Variants in YAF2 observed in about 807,000 individuals in gnomAD.
The protein encoded by YAF2 is YY1-associated factor 2.
Under a neutral mutation model 20.1 loss-of-function variants are expected in YAF2, and 7 were observed. That is an observed-to-expected ratio of 0.35 (90% CI 0.20 to 0.65). The LOEUF (loss-of-function observed/expected upper bound fraction) is 0.65, where lower values mean the gene tolerates loss of function less well. YAF2 is among the 30% of genes least tolerant of loss of function. The pLI, the probability that YAF2 is intolerant of heterozygous loss-of-function variation, is 0.69. For missense variants in YAF2, 151 were observed against 219.2 expected (o/e 0.69, Z 1.96); for synonymous variants, 74 against 76.0 (o/e 0.97, Z 0.14).
chr12:42,179,523 T>A (rs940343274), intron 2 of YAF2, among the ~76,000 whole-genome samples: 1 of 152,112 alleles, frequency 6.6e-6, no homozygotes, highest in African/African-American at 2.4e-5. Context: ...ACACATCAAA[T>A]CTGAAGGTCT....
chr12:42,180,802 G>C (rs1429973949), intron 2 of YAF2, among the ~76,000 whole-genome samples: 2 of 152,014 alleles, frequency 1.3e-5, no homozygotes, highest in African/African-American at 4.8e-5. Flanking sequence ...AGAAAAATTA[G>C]CTGGATGTGG....
In YAF2 at chr12:42,214,284, T is replaced by C. The variant is rs956419293; in HGVS notation, c.152+23315A>G. Among the ~76,000 whole-genome samples the C allele has an allele frequency of 3.3e-5, 5 of 152,310 alleles. No homozygotes were observed. In the South Asian group the frequency reaches 8.3e-4, roughly 25 times the overall value. On this transcript the variant is annotated intron_variant, in intron 2 of 3. Transcript: ENST00000534854. ...CTTTCACAAATACCTCCTCTTATCC[T>C]TTCCTTTGAGACAAGGTCTGGCTTT...
At position 42,211,073 on chromosome 12, in the gene YAF2, A is replaced by G. The variant is rs868768707; in HGVS notation, c.152+26526T>C. 2.6e-5 allele frequency among the ~76,000 whole-genome samples: 4 copies of G among 152,334 alleles called. No individual in the cohort carries two copies. The South Asian group carries it at 8.3e-4, about 32-fold the overall frequency. On this transcript the variant is annotated intron_variant, in intron 2 of 3. Transcript: ENST00000534854. The stretch of plus-strand genomic sequence containing the variant: ...TTTGGTATAGAAGCCACCATAGTGG[A>G]CTAATAATATGTTAGAATTCAGATA...
intron 2 of YAF2, among the ~76,000 whole-genome samples, chr12:42,172,685 C>A (rs1473796188): frequency 2.0e-5 from 3 of 152,202 alleles, no homozygotes. Context: ...AAAATGTGTA[C>A]ATGAATGTTC....
chr12:42,220,483 T>G (rs2067481072), intron 2 of YAF2, among the ~76,000 whole-genome samples: 1 of 152,186 alleles, frequency 6.6e-6, no homozygotes, highest in Non-Finnish European at 1.5e-5. Flanking sequence ...CATAACATTT[T>G]AGAAGGTAGC....
At chr12:42,222,778 AG>A (rs1423549138) in intron 2 of YAF2, among the ~76,000 whole-genome samples, 1 of 152,102 alleles carries the variant, frequency 6.6e-6, no homozygotes, top group Non-Finnish European at 1.5e-5. Flanking sequence ...TTCTTTCAAA[AG>A]CATTGTTGAG....
At chr12:42,200,917 T>C (rs543654213) in intron 2 of YAF2, among the ~76,000 whole-genome samples, 3 of 152,340 alleles carry the variant, frequency 2.0e-5, no homozygotes, top group East Asian at 1.9e-4. Flanking sequence ...TATATTTCAG[T>C]ATTCCCATAC....
At chr12:42,198,209 T>C (rs2066805031) in intron 2 of YAF2, among the ~76,000 whole-genome samples, 1 of 152,128 alleles carries the variant, frequency 6.6e-6, no homozygotes, top group African/African-American at 2.4e-5. Flanking sequence ...CTTAGGGAGA[T>C]GATGATAATT....
intron 2 of YAF2, among the ~76,000 whole-genome samples, chr12:42,207,205 A>G (rs2067068890): frequency 6.6e-6 from 1 of 152,260 alleles, no homozygotes; most frequent in East Asian, 1.9e-4. Flanking sequence ...CTAGTATTTA[A>G]GTCATCTGAC....
intron 2 of YAF2, among the ~76,000 whole-genome samples, chr12:42,190,126 T>C (rs2066576135): frequency 6.6e-6 from 1 of 152,220 alleles, no homozygotes. Context: ...AAGGATTACT[T>C]GAAGCCAGGA....
chr12:42,195,889 G>A (rs1033603806), intron 2 of YAF2, among the ~76,000 whole-genome samples: 7 of 152,072 alleles, frequency 4.6e-5, no homozygotes, highest in African/African-American at 1.7e-4. Flanking sequence ...TGGTGGTGGG[G>A]AAGAGTGGAA....
At chr12:42,204,447 T>C (rs116504260) in intron 2 of YAF2, among the ~76,000 whole-genome samples, 1,600 of 152,318 alleles carry the variant, frequency 0.011, 29 homozygotes, top group African/African-American at 0.037. Flanking sequence ...CAATACAATA[T>C]AACAACTATT....
intron 1 of YAF2, 83 bp downstream of exon 1, chr12:42,238,072 G>T: frequency 1.6e-6 from 2 of 1,220,164 alleles, no homozygotes; most frequent in Non-Finnish European, 1.1e-6. Flanking sequence ...GTGCCCGGGC[G>T]GCTAGCGAGG....
chr12:42,193,318 CAAA>C (rs35020261), intron 2 of YAF2, among the ~76,000 whole-genome samples: 5 of 87,180 alleles, frequency 5.7e-5, no homozygotes, highest in Admixed American at 1.3e-4. Flanking sequence ...GACTCCCTCT[CAAA>C]AAAAAAAAAA....
chr12:42,173,772 T>C (rs973292960), intron 2 of YAF2, among the ~76,000 whole-genome samples: 2 of 152,218 alleles, frequency 1.3e-5, no homozygotes, highest in Non-Finnish European at 2.9e-5. Flanking sequence ...TTCCAATTAC[T>C]GTTCTAAGTA....
intron 2 of YAF2, among the ~76,000 whole-genome samples, chr12:42,229,609 A>G (rs2067916185): frequency 6.6e-6 from 1 of 152,212 alleles, no homozygotes; most frequent in Non-Finnish European, 1.5e-5. Flanking sequence ...TTAATGACGG[A>G]TATGTTCTGA....
intron 2 of YAF2, among the ~76,000 whole-genome samples, chr12:42,216,506 TTTC>T (rs1056006217): frequency 3.3e-5 from 5 of 152,102 alleles, no homozygotes; most frequent in Non-Finnish European, 4.4e-5. Context: ...TCTCCATTTC[TTTC>T]TTCTTCTTTG....
chr12:42,228,575 T>A (rs2067857073), intron 2 of YAF2, among the ~76,000 whole-genome samples: 2 of 58,838 alleles, frequency 3.4e-5, no homozygotes, highest in Non-Finnish European at 5.7e-5. Flanking sequence ...GGAGCCCCTC[T>A]GCCCGGCCAG....
At position 42,237,470 on chromosome 12, in the gene YAF2, C is replaced by T. The variant is rs948012552; in HGVS notation, c.152+129G>A. On this transcript the variant is annotated intron_variant, in intron 2 of 3. Transcript: ENST00000534854. ...GATCAATGTGACCCAGTTCCTATCG[C>T]CACAGCCACCTCCGTCTGCCTCCTC... 4 of 1,357,506 alleles carry T rather than the reference C, an allele frequency of 2.9e-6. No individual in the cohort carries two copies. The African/African-American group carries it at 4.6e-5, about 16-fold the overall frequency. The allele number at this position is 1,357,506 out of a possible 1,614,324, so 84.1% of individuals were successfully genotyped here.
Sources: gnomAD v4.1 joint callset for allele counts (sites outside exome capture counted in the v4.1 genomes callset) on GRCh38, gnomAD v4.1.1 for gene constraint, MANE v1.5 for transcripts, NCBI Gene and HGNC (gene_info 2026-07-23, HGNC 2026-07-21) for gene names.